The following CACNA2D3 variants were observed in gnomAD, a reference collection of about 807,000 sequenced individuals.
CACNA2D3 encodes voltage-dependent calcium channel subunit alpha-2/delta-3.
Under a neutral mutation model 160.6 loss-of-function variants are expected in CACNA2D3, and 60 were observed. The ratio of observed to expected loss-of-function variants is 0.37; its 90% CI spans 0.30 to 0.46. CACNA2D3 has a LOEUF of 0.46. Among genes scored for constraint, CACNA2D3 ranks in the 20% least tolerant of loss-of-function variants. CACNA2D3 has a pLI of 1.00. For synonymous variants in CACNA2D3, 558 were observed against 492.9 expected, an observed-to-expected ratio of 1.13 and a Z score of -1.75; for missense variants, 1,205 against 1,365.0, an observed-to-expected ratio of 0.88 and a Z score of 1.85.
chr3:54,571,610 C>T (rs967668218), intron 8 of CACNA2D3, among the ~76,000 whole-genome samples: 9 of 127,516 alleles, frequency 7.1e-5, no homozygotes, highest in Admixed American at 1.8e-4. Flanking sequence ...AGCACTTAAC[C>T]AAGTGTGTGT....
intron 2 of CACNA2D3, among the ~76,000 whole-genome samples, chr3:54,216,456 C>G (rs1041617850): frequency 6.6e-5 from 10 of 152,176 alleles, no homozygotes; most frequent in African/African-American, 2.4e-4. Flanking sequence ...TTTGCATGGA[C>G]AGGTTGTTAT....
At chr3:54,414,502 A>T (rs2106735515) in intron 4 of CACNA2D3, among the ~76,000 whole-genome samples, 1 of 152,228 alleles carries the variant, frequency 6.6e-6, no homozygotes, top group African/African-American at 2.4e-5. Context: ...CTTCTTCCAA[A>T]GTTGTCTTTT....
chr3:54,541,134 G>A (rs575579015), intron 5 of CACNA2D3, among the ~76,000 whole-genome samples: 6 of 151,730 alleles, frequency 4.0e-5, no homozygotes, highest in South Asian at 2.1e-4. Flanking sequence ...AAAATTAGCC[G>A]GGCGTGGTGG....
chr3:54,649,493 G>A lies in CACNA2D3; in HGVS notation c.1167+7252G>A, dbSNP rs187435126. Among the ~76,000 whole-genome samples the A allele has an allele frequency of 6.9e-4, 105 of 152,322 alleles. 4 individuals are homozygous for A. In the South Asian group the frequency reaches 0.015, roughly 22 times the overall value. On this transcript the variant is annotated intron_variant, in intron 11 of 37. Transcript: ENST00000474759. ...GCTATGACAAAATATCAATGACTGG[G>A]TGGCTTATAAACAACAGGAATTTAT...
intron 11 of CACNA2D3, among the ~76,000 whole-genome samples, chr3:54,647,277 A>G (rs571247469): frequency 1.2e-4 from 19 of 152,364 alleles, no homozygotes; most frequent in African/African-American, 4.6e-4. Flanking sequence ...TTTGTTATGT[A>G]GCAGTAGAAA....
chr3:55,057,445 G>C lies in CACNA2D3; in HGVS notation c.2988-16000G>C, dbSNP rs139985476. The stretch of plus-strand genomic sequence containing the variant: ...AGATTCCCCCCATCCCACCAAAAAA[G>C]AGGGTTAGCAATGGAGAGAGCTCAT... On this transcript the variant is annotated intron_variant, in intron 35 of 37. Transcript: ENST00000474759. Among the ~76,000 whole-genome samples the C allele has an allele frequency of 6.1e-4, 93 of 152,270 alleles. 2 individuals are homozygous for C. The East Asian group carries it at 0.017, about 28-fold the overall frequency.
intron 11 of CACNA2D3, among the ~76,000 whole-genome samples, chr3:54,732,327 C>T (rs1478803662): frequency 6.6e-6 from 1 of 152,230 alleles, no homozygotes; most frequent in Non-Finnish European, 1.5e-5. Flanking sequence ...CGCACATACA[C>T]TTACAGATCC....
chr3:54,384,383 C>T (rs9826277), intron 3 of CACNA2D3, among the ~76,000 whole-genome samples: 53,092 of 152,014 alleles, frequency 0.35, 9,385 homozygotes, highest in Admixed American at 0.42. Flanking sequence ...GATACATGCA[C>T]AGAAATTCTA....
chr3:54,539,570 C>A (rs1051953929), intron 5 of CACNA2D3, among the ~76,000 whole-genome samples: 5 of 152,214 alleles, frequency 3.3e-5, no homozygotes, highest in African/African-American at 1.2e-4. Flanking sequence ...TTTTGCTTTC[C>A]TGACCAAAGT....
At chr3:54,608,568 C>T (rs1012066637) in intron 9 of CACNA2D3, among the ~76,000 whole-genome samples, 25 of 152,060 alleles carry the variant, frequency 1.6e-4, no homozygotes, top group African/African-American at 4.1e-4. Context: ...GTTTAACCAC[C>T]GTAAGGTTTT....
At chr3:54,410,793 T>C (rs562827042) in intron 4 of CACNA2D3, among the ~76,000 whole-genome samples, 35 of 152,288 alleles carry the variant, frequency 2.3e-4, no homozygotes, top group Admixed American at 5.2e-4. Flanking sequence ...AACTTTCAAG[T>C]CTTATTATTT....
intron 27 of CACNA2D3, among the ~76,000 whole-genome samples, chr3:54,940,458 A>G (rs2106982275): frequency 6.6e-6 from 1 of 152,268 alleles, no homozygotes; most frequent in East Asian, 1.9e-4. Context: ...ATTAAGCTCC[A>G]CCAACATTTC....
Position 54,286,723 on chromosome 3 carries a change from G to A in CACNA2D3, c.205-33719G>A, listed in dbSNP as rs1207185603. Among the ~76,000 whole-genome samples, 15 of 152,228 alleles carry A rather than the reference G, an allele frequency of 9.9e-5. No individual in the cohort carries two copies. In the South Asian group the frequency reaches 3.1e-3, roughly 32 times the overall value. On this transcript the variant is annotated intron_variant, in intron 2 of 37. Coordinates refer to ENST00000474759, the MANE Select transcript of CACNA2D3 (RefSeq NM_018398.3). Reference sequence around the variant, plus strand: ...AAAGGGAAGCGCATCAGACTAACCGGATCTCTCGGCAGAAACTCTACAAGC... The same window carrying A: ...AAAGGGAAGCGCATCAGACTAACCGAATCTCTCGGCAGAAACTCTACAAGC...
chr3:54,343,539 C>T (rs1698402306), intron 3 of CACNA2D3, among the ~76,000 whole-genome samples: 1 of 152,202 alleles, frequency 6.6e-6, no homozygotes, highest in Non-Finnish European at 1.5e-5. Context: ...CTGCCTCAGC[C>T]TCCCACAGTG....
chr3:54,379,248 T>G (rs1699060621), intron 3 of CACNA2D3, among the ~76,000 whole-genome samples: 1 of 152,236 alleles, frequency 6.6e-6, no homozygotes, highest in Non-Finnish European at 1.5e-5. Context: ...TTTTGCAGCT[T>G]TCAGGCAGAA....
chr3:54,520,466 A>G (rs1284319704), intron 5 of CACNA2D3, among the ~76,000 whole-genome samples: 1 of 152,226 alleles, frequency 6.6e-6, no homozygotes, highest in Non-Finnish European at 1.5e-5. Flanking sequence ...GGACAGCATC[A>G]GGAAGGAGTA....
chr3:54,950,026 C>T (rs1229368844), intron 27 of CACNA2D3, among the ~76,000 whole-genome samples: 1 of 152,202 alleles, frequency 6.6e-6, no homozygotes, highest in African/African-American at 2.4e-5. Context: ...TTGAAGTCTA[C>T]CACCTCCAGT....
intron 13 of CACNA2D3, among the ~76,000 whole-genome samples, chr3:54,805,753 A>G (rs1703105399): frequency 6.6e-6 from 1 of 152,232 alleles, no homozygotes; most frequent in Admixed American, 6.5e-5. Flanking sequence ...CAACCAAAAA[A>G]GAGAATTTTA....
intron 9 of CACNA2D3, among the ~76,000 whole-genome samples, chr3:54,619,184 C>A (rs973638995): frequency 6.6e-6 from 1 of 152,226 alleles, no homozygotes; most frequent in African/African-American, 2.4e-5. Context: ...CTGAGATGCA[C>A]TGACAAGTCC....
Sources: gnomAD v4.1 joint callset for allele counts (sites outside exome capture counted in the v4.1 genomes callset) on GRCh38, gnomAD v4.1.1 for gene constraint, MANE v1.5 for transcripts, NCBI Gene and HGNC (gene_info 2026-07-23, HGNC 2026-07-21) for gene names.